Variants in CCDC171 observed in about 807,000 individuals in gnomAD.
The protein encoded by CCDC171 is coiled-coil domain containing 171, also known as coiled-coil domain-containing protein 171.
A neutral mutation model predicts 168.2 loss-of-function variants in CCDC171; 177 were observed. The ratio of observed to expected loss-of-function variants is 1.05; its 90% CI spans 0.93 to 1.19. CCDC171 has a LOEUF of 1.19. Ranked by LOEUF, CCDC171 falls within the 50% of genes most tolerant of loss-of-function variation. CCDC171 has a pLI of 0.00. For missense variants in CCDC171, 1,991 were observed against 1,539.0 expected (o/e 1.29, Z -4.91); for synonymous variants, 687 against 540.8 (o/e 1.27, Z -3.75).
chr9:15,628,380 C>T (rs1003830224), intron 7 of CCDC171, among the ~76,000 whole-genome samples: 4 of 152,170 alleles, frequency 2.6e-5, no homozygotes, highest in Non-Finnish European at 5.9e-5. Flanking sequence ...GATTATAACC[C>T]GCATCTGGCT....
the CCDC171 span, among the ~76,000 whole-genome samples, chr9:16,102,434 T>C: frequency 7.0e-6 from 1 of 143,614 alleles, no homozygotes; most frequent in Non-Finnish European, 1.5e-5. Flanking sequence ...CAAAGTTCAT[T>C]ATGGATCTGA....
chr9:15,742,838 A>T (rs1437605654), intron 16 of CCDC171, among the ~76,000 whole-genome samples: 1 of 151,808 alleles, frequency 6.6e-6, no homozygotes, highest in Non-Finnish European at 1.5e-5. Context: ...AGGGTCTTGC[A>T]CTGTCACCTA....
In CCDC171 at chr9:15,731,482, C is replaced by A. The variant is rs576785091; in HGVS notation, c.2049+1684C>A. On this transcript the variant is annotated intron_variant, in intron 16 of 25. Transcript: ENST00000380701. The stretch of plus-strand genomic sequence containing the variant: ...ATAGTCTGGTGATTGACTAATTTCA[C>A]TCAATATTAATGTTCCGAGCATAAT... Among the ~76,000 whole-genome samples, 3 of 152,228 alleles carry A rather than the reference C, an allele frequency of 2.0e-5. No individual in the cohort carries two copies. The East Asian group carries it at 5.8e-4, about 29-fold the overall frequency.
Position 15,902,666 on chromosome 9 carries a change from C to T in CCDC171, c.3601-17604C>T, listed in dbSNP as rs577886372. Among the ~76,000 whole-genome samples the T allele has an allele frequency of 4.2e-4, 64 of 152,202 alleles. 1 individual carries two copies. Among genetic ancestry groups the T allele is most frequent in the Admixed American group, 1.8e-3 (27 of 15,290 alleles). Reference sequence around the variant, plus strand: ...TGAGGTACCGGGTTCATCTCACTGGCGAGTGTTGGAAAGTGGGTGCAGGAC... The same window carrying T: ...TGAGGTACCGGGTTCATCTCACTGGTGAGTGTTGGAAAGTGGGTGCAGGAC... On this transcript the variant is annotated intron_variant, in intron 24 of 25. Transcript: ENST00000380701.
At chr9:15,728,589 A>C (rs1050351272) in intron 15 of CCDC171, among the ~76,000 whole-genome samples, 2 of 152,194 alleles carry the variant, frequency 1.3e-5, no homozygotes, top group Non-Finnish European at 2.9e-5. Flanking sequence ...TTATAGGAGA[A>C]TATAGTAGAC....
chr9:15,627,265 C>G (rs1468071880), intron 7 of CCDC171, among the ~76,000 whole-genome samples: 2 of 151,984 alleles, frequency 1.3e-5, no homozygotes, highest in East Asian at 3.9e-4. Context: ...TTCAAAAAAC[C>G]AACTCCTGGA....
At chr9:16,102,126 A>G in the CCDC171 span, among the ~76,000 whole-genome samples, 1 of 152,192 alleles carries the variant, frequency 6.6e-6, no homozygotes, top group East Asian at 1.9e-4. Context: ...GTAGGCACCA[A>G]GGACTGAAGA....
rs1308832072 is a variant in CCDC171, at chr9:15,973,299, T to C, written c.*1463T>C. 6.6e-6 allele frequency: 1 copy of C among 152,162 alleles called. No individual in the cohort carries two copies. Among genetic ancestry groups the C allele is most frequent in the Non-Finnish European group, 1.5e-5 (1 of 68,026 alleles). 9.4% of individuals were successfully genotyped at this position (152,162 alleles called of 1,614,324 possible). The stretch of plus-strand genomic sequence containing the variant: ...TTATGGATACATTAGAGTATAACAG[T>C]ATGTATTACAGAAGTTTTTTTGTCT... On this transcript the variant is annotated 3_prime_UTR_variant, in exon 26 of 26. Coordinates refer to ENST00000380701, the MANE Select transcript of CCDC171 (RefSeq NM_173550.4).
Position 15,633,810 on chromosome 9 carries a change from G to T in CCDC171, c.822+10397G>T, listed in dbSNP as rs893530160. Among the ~76,000 whole-genome samples, 12 of 152,338 alleles carry T rather than the reference G, an allele frequency of 7.9e-5. No individual in the cohort carries two copies. In the South Asian group the frequency reaches 8.3e-4, roughly 11 times the overall value. ...CAATGATAGACTGGATTAAGAAAAT[G>T]TGGCAGATATACACCATGGAATAGT... On this transcript the variant is annotated intron_variant, in intron 7 of 25. Transcript: ENST00000380701.
At chr9:15,957,083 C>A (rs1169853086) in intron 25 of CCDC171, among the ~76,000 whole-genome samples, 1 of 150,752 alleles carries the variant, frequency 6.6e-6, no homozygotes, top group African/African-American at 2.4e-5. Flanking sequence ...TCCTAGATTC[C>A]TGTCTAATTC....
At chr9:15,870,678 G>A (rs1341568457) in intron 23 of CCDC171, among the ~76,000 whole-genome samples, 7 of 151,190 alleles carry the variant, frequency 4.6e-5, no homozygotes, top group Non-Finnish European at 7.4e-5. Flanking sequence ...TTTTTTAATT[G>A]GAACATAGAG....
chr9:15,715,537 T>C (rs368123899), intron 11 of CCDC171, among the ~76,000 whole-genome samples: 6 of 152,324 alleles, frequency 3.9e-5, no homozygotes, highest in African/African-American at 1.4e-4. Context: ...TCCTGTTTTC[T>C]ACTACAAGAT....
rs140026202 is a variant in CCDC171, at chr9:15,878,159, A to G, written c.3600+3496A>G. 1.7e-3 allele frequency among the ~76,000 whole-genome samples: 262 copies of G among 152,332 alleles called. 1 individual carries two copies. Among genetic ancestry groups the G allele is most frequent in the Non-Finnish European group, 3.2e-3 (220 of 68,022 alleles). On this transcript the variant is annotated intron_variant, in intron 24 of 25. Transcript: ENST00000380701. The stretch of plus-strand genomic sequence containing the variant: ...TCAAATTAAATTTAAGAGCTTCTGT[A>G]CAGCAAAAGAAACTATCAACAGAGT...
chr9:15,719,402 G>A (rs2053308907), intron 11 of CCDC171, among the ~76,000 whole-genome samples: 1 of 91,076 alleles, frequency 1.1e-5, no homozygotes, highest in South Asian at 6.2e-4. Flanking sequence ...GGGGGTGGGG[G>A]GCGGGGCGGG....
intron 25 of CCDC171, among the ~76,000 whole-genome samples, chr9:15,928,834 C>T (rs1375442411): frequency 2.6e-5 from 4 of 151,728 alleles, no homozygotes; most frequent in African/African-American, 9.6e-5. Context: ...AAAGGTTTCT[C>T]ATATTCTAGA....
chr9:15,623,460 CATAT>C lies in CCDC171; in HGVS notation c.822+48_822+51del, dbSNP rs1564072143. 3.3e-6 allele frequency: 4 copies of C among 1,202,896 alleles called. No individual in the cohort carries two copies. The South Asian group carries it at 4.1e-5, about 12-fold the overall frequency. 74.5% of individuals were successfully genotyped at this position (1,202,896 alleles called of 1,614,324 possible). A position where few individuals can be genotyped will look rare whatever the true frequency, so the allele number is the denominator to read the frequency against. On this transcript the variant is annotated intron_variant, in intron 7 of 25. Coordinates refer to ENST00000380701, the MANE Select transcript of CCDC171 (RefSeq NM_173550.4). ...TAATATATATGCGTACAAACTTTCA[CATAT>C]GCGCGCGCGCGCACACACACACACA...
rs1445340588 is a variant in CCDC171 at position 15,972,692 on chromosome 9, G to C, written c.*856G>C. The C allele has an allele frequency of 6.6e-6, 1 of 151,766 alleles. No individual in the cohort carries two copies. The highest frequency in any genetic ancestry group is 1.5e-5 in the Non-Finnish European group (1 of 67,888). 9.4% of individuals were successfully genotyped at this position (151,766 alleles called of 1,614,324 possible). ...GACCTTCAAAATAGACTCCTTTTTT[G>C]TTTTTGTTGTTGGTAGGACCCAAGA... On this transcript the variant is annotated 3_prime_UTR_variant, in exon 26 of 26. Transcript: ENST00000380701.
At chr9:15,728,240 G>A (rs2053940229) in intron 15 of CCDC171, among the ~76,000 whole-genome samples, 1 of 152,124 alleles carries the variant, frequency 6.6e-6, no homozygotes, top group Non-Finnish European at 1.5e-5. Flanking sequence ...TCTGTATGAA[G>A]TCTCTAAGCT....
intron 7 of CCDC171, among the ~76,000 whole-genome samples, chr9:15,634,178 TAAAAC>T (rs1221654865): frequency 1.3e-5 from 2 of 150,714 alleles, no homozygotes; most frequent in African/African-American, 2.4e-5. Flanking sequence ...AGTATAATAA[TAAAAC>T]AAAAGAAAGC....
Sources: allele counts gnomAD v4.1 joint callset (sites outside exome capture counted in the v4.1 genomes callset), GRCh38; gene constraint gnomAD v4.1.1; transcripts MANE v1.5; gene names NCBI Gene and HGNC (gene_info 2026-07-23, HGNC 2026-07-21).